ZC3H12C: variants seen among roughly 807,000 people sequenced by gnomAD.
ZC3H12C encodes the protein probable ribonuclease ZC3H12C.
In ZC3H12C, 20 loss-of-function variants were observed where a neutral mutation model predicts 76.3. That is an observed-to-expected ratio of 0.26 (90% confidence interval 0.18 to 0.38). ZC3H12C has a LOEUF of 0.38. Ranked by LOEUF, ZC3H12C falls within the 10% of genes least tolerant of loss-of-function variation. The probability of loss-of-function intolerance (pLI) is 1.00; values close to 1 mark genes in which losing one functional copy is unlikely to be tolerated. For missense variants in ZC3H12C, 874 were observed against 1,086.5 expected (o/e 0.80, Z 2.75); for synonymous variants, 352 against 399.6 (o/e 0.88, Z 1.42).
At chr11:110,102,115 G>A (rs1861227671) in intron 1 of ZC3H12C, among the ~76,000 whole-genome samples, 1 of 150,772 alleles carries the variant, frequency 6.6e-6, no homozygotes, top group Admixed American at 6.6e-5. Flanking sequence ...GCAGTCCAGG[G>A]ATCAAGGAAT....
rs755516129 is a variant in ZC3H12C at position 110,159,360 on chromosome 11, G to A, written c.1018G>A (p.Val340Met). The A allele has an allele frequency of 5.6e-6, 9 of 1,613,952 alleles. No individual in the cohort carries two copies. Among genetic ancestry groups the A allele is most frequent in the African/African-American group, 1.3e-5 (1 of 74,916 alleles). Reference protein sequence around the residue: ...RVVCYDDRFIVKLAFESDGII... With the variant: ...RVVCYDDRFIMKLAFESDGII... ...GGTGTGCTATGACGACAGGTTCATC[G>A]TGAAGCTGGCTTTTGAGTCGGACGG... The change falls in exon 4 of 6, where the codon GTG becomes ATG. Residue 340 changes from valine to methionine, a missense_variant. This residue lies in a region of ZC3H12C where 269 missense variants were observed against 424.9 expected (regional missense o/e 0.63). Coordinates refer to ENST00000278590, the MANE Select transcript of ZC3H12C (RefSeq NM_033390.2).
At position 110,118,409 on chromosome 11, in the gene ZC3H12C, A is replaced by G. The variant is rs1452913161; in HGVS notation, c.22-18254A>G. ...TATAAGAATAGGTGTTTCTTTAGAC[A>G]TGAACAATAACCAGTTAGAAAATAT... On this transcript the variant is annotated intron_variant, in intron 1 of 5. Coordinates refer to ENST00000278590, the MANE Select transcript of ZC3H12C (RefSeq NM_033390.2). Among the ~76,000 whole-genome samples, 4 of 152,288 alleles carry G rather than the reference A, an allele frequency of 2.6e-5. No homozygotes were observed. The East Asian group carries it at 7.7e-4, about 29-fold the overall frequency.
intron 1 of ZC3H12C, among the ~76,000 whole-genome samples, chr11:110,124,964 G>A (rs1861713635): frequency 6.6e-6 from 1 of 152,118 alleles, no homozygotes; most frequent in East Asian, 1.9e-4. Flanking sequence ...CATGGCCATG[G>A]GAATGAGAAA....
At chr11:110,109,515 T>G (rs139708099) in intron 1 of ZC3H12C, among the ~76,000 whole-genome samples, 1 of 152,214 alleles carries the variant, frequency 6.6e-6, no homozygotes, top group East Asian at 1.9e-4. Flanking sequence ...TATTCACTCA[T>G]TCATTCCTTC....
intron 1 of ZC3H12C, among the ~76,000 whole-genome samples, chr11:110,119,188 G>A (rs1861611209): frequency 6.6e-6 from 1 of 152,166 alleles, no homozygotes; most frequent in South Asian, 2.1e-4. Flanking sequence ...ATGGAAGTAA[G>A]CCCAAGTTGA....
At chr11:110,155,365 T>C (rs1336557605) in intron 3 of ZC3H12C, among the ~76,000 whole-genome samples, 1 of 151,904 alleles carries the variant, frequency 6.6e-6, no homozygotes, top group Non-Finnish European at 1.5e-5. Flanking sequence ...CAGTTACTCA[T>C]AGGCTGCTGT....
chr11:110,102,622 G>T lies in ZC3H12C; in HGVS notation c.21+9190G>T, dbSNP rs372078769. The stretch of plus-strand genomic sequence containing the variant: ...AATTCAACCTAGTTGACAAAGCAGT[G>T]GCAAGGTTTGAGAGCATTGACTCCA... On this transcript the variant is annotated intron_variant, in intron 1 of 5. Transcript: ENST00000278590. Among the ~76,000 whole-genome samples, 31 of 152,258 alleles carry T rather than the reference G, an allele frequency of 2.0e-4. No individual in the cohort carries two copies. The South Asian group carries it at 6.2e-3, about 31-fold the overall frequency.
chr11:110,146,144 G>T (rs1022982672), intron 2 of ZC3H12C, among the ~76,000 whole-genome samples: 42 of 152,184 alleles, frequency 2.8e-4, no homozygotes, highest in African/African-American at 1.0e-3. Context: ...CCGCCACCAC[G>T]CCCGGCTAAT....
chr11:110,099,918 A>G (rs983866198), intron 1 of ZC3H12C, among the ~76,000 whole-genome samples: 10 of 151,642 alleles, frequency 6.6e-5, no homozygotes, highest in Admixed American at 2.0e-4. Context: ...TTCCCATAAC[A>G]CTTGCATATT....
At chr11:110,147,605 A>T (rs1862194373) in intron 2 of ZC3H12C, among the ~76,000 whole-genome samples, 1 of 144,444 alleles carries the variant, frequency 6.9e-6, no homozygotes, top group African/African-American at 2.7e-5. Flanking sequence ...GTATCCCAGA[A>T]TTTAAAGTAA....
chr11:110,134,930 T>C (rs543316456), intron 1 of ZC3H12C, among the ~76,000 whole-genome samples: 3 of 152,328 alleles, frequency 2.0e-5, no homozygotes, highest in African/African-American at 7.2e-5. Flanking sequence ...TAATAAAATG[T>C]ATTTCATTAC....
intron 1 of ZC3H12C, among the ~76,000 whole-genome samples, chr11:110,113,866 G>A (rs2134155911): frequency 6.6e-6 from 1 of 152,104 alleles, no homozygotes; most frequent in Non-Finnish European, 1.5e-5. Flanking sequence ...ACTATTATAA[G>A]ACCTTCCTAA....
At chr11:110,115,785 C>G (rs1216215801) in intron 1 of ZC3H12C, among the ~76,000 whole-genome samples, 1 of 141,192 alleles carries the variant, frequency 7.1e-6, no homozygotes, top group Admixed American at 7.3e-5. Context: ...GAGATGGAGT[C>G]TCACTCACTC....
At chr11:110,105,242 AT>A (rs1434183324) in intron 1 of ZC3H12C, among the ~76,000 whole-genome samples, 5 of 152,004 alleles carry the variant, frequency 3.3e-5, no homozygotes, top group African/African-American at 1.2e-4. Context: ...CTTTGGCATC[AT>A]TTTCTTTGAT....
Position 110,136,650 on chromosome 11 carries a change from C to T in ZC3H12C, c.22-13C>T. ...TAACTATGAAATTCTAAATATTTTACATTTTTCTCTAGGAATACGGGGTGC... is the reference window on the plus strand; with the variant it reads ...TAACTATGAAATTCTAAATATTTTATATTTTTCTCTAGGAATACGGGGTGC... On this transcript the variant is annotated splice_polypyrimidine_tract_variant and intron_variant, in intron 1 of 5. Transcript: ENST00000278590. 6.3e-7 allele frequency: 1 copy of T among 1,599,022 alleles called. No homozygotes were observed. Among genetic ancestry groups the T allele is most frequent in the Non-Finnish European group, 8.5e-7 (1 of 1,174,188 alleles).
chr11:110,115,843 C>T (rs1192296087), intron 1 of ZC3H12C, among the ~76,000 whole-genome samples: 1 of 149,880 alleles, frequency 6.7e-6, no homozygotes, highest in Non-Finnish European at 1.5e-5. Context: ...TCACTGCAAC[C>T]TTCGCCTCCT....
rs117837610 is a variant in ZC3H12C, at chr11:110,120,598, A to T, written c.22-16065A>T. ...TGGAACATATGCCTTGGGGAACTCA[A>T]ATTTTTCACCATTCTCCCTGCACAC... On this transcript the variant is annotated intron_variant, in intron 1 of 5. Transcript: ENST00000278590. Among the ~76,000 whole-genome samples the T allele has an allele frequency of 4.3e-4, 66 of 152,340 alleles. 1 individual carries two copies. In the East Asian group the frequency reaches 0.011, roughly 24 times the overall value.
rs1453135880 is a variant in ZC3H12C, at chr11:110,136,776, T to C, written c.135T>C (p.Leu45=). ...KDHLGHDLGH[L]YVESTDPQLS... ...ACCTAGGGCATGACCTCGGCCACCT[T>C]TATGTGGAGAGCACTGACCCACAGT... is the stretch of plus-strand genomic sequence containing the variant. Residue 45 remains leucine, a synonymous_variant, in exon 2 of 6, where the codon CTT becomes CTC. Transcript: ENST00000278590. 1 of 1,613,818 alleles carries C rather than the reference T, an allele frequency of 6.2e-7. No homozygotes were observed. Among genetic ancestry groups the C allele is most frequent in the African/African-American group, 1.3e-5 (1 of 74,912 alleles).
In ZC3H12C at chr11:110,165,387, T is replaced by A. The variant is rs1345351899; in HGVS notation, c.2302T>A (p.Tyr768Asn). Reference protein sequence around the residue: ...DSSPSRQRKPYSRQEGLGSWE... With the variant: ...DSSPSRQRKPNSRQEGLGSWE... ...TTCTCCTTCACGACAAAGAAAGCCTTATTCCCGCCAGGAAGGCCTGGGAAG... is the reference window on the plus strand; with the variant it reads ...TTCTCCTTCACGACAAAGAAAGCCTAATTCCCGCCAGGAAGGCCTGGGAAG... The change falls in exon 6 of 6, where the codon TAT becomes AAT. Residue 768 changes from tyrosine to asparagine, a missense_variant. Tyr to Asn is a moderately radical substitution (Grantham distance 143, BLOSUM62 -2). Coordinates refer to ENST00000278590, the MANE Select transcript of ZC3H12C (RefSeq NM_033390.2). 2 of 1,613,958 alleles carry A rather than the reference T, an allele frequency of 1.2e-6. No individual in the cohort carries two copies. The highest frequency in any genetic ancestry group is 1.7e-6 in the Non-Finnish European group (2 of 1,179,870).
Sources: allele counts gnomAD v4.1 joint callset (sites outside exome capture counted in the v4.1 genomes callset), GRCh38; gene constraint gnomAD v4.1.1; regional missense constraint gnomAD v4.1.1; transcripts MANE v1.5; gene names NCBI Gene and HGNC (gene_info 2026-07-23, HGNC 2026-07-21).